LRRC51: variants seen among roughly 807,000 people sequenced by gnomAD.
LRRC51 encodes leucine rich repeat containing 51.
LRRC51 carries 8 observed loss-of-function variants against 17.8 expected under a neutral mutation model. The ratio of observed to expected loss-of-function variants is 0.45; its 90% CI spans 0.26 to 0.81. The LOEUF (loss-of-function observed/expected upper bound fraction) is 0.81. Among genes scored for constraint, LRRC51 ranks in the 30% least tolerant of loss-of-function variants. LRRC51 has a pLI of 0.17. For missense variants in LRRC51, 233 were observed against 239.3 expected, an observed-to-expected ratio of 0.97 and a Z score of 0.17; for synonymous variants, 92 against 96.0, an observed-to-expected ratio of 0.96 and a Z score of 0.24.
chr11:72,084,003 CTTCT>C (rs1944387785), intron 1 of LRRC51, among the ~76,000 whole-genome samples: 1 of 152,168 alleles, frequency 6.6e-6, no homozygotes, highest in Non-Finnish European at 1.5e-5. Context: ...GCAGATTTTT[CTTCT>C]TTTTCTTTTG....
In LRRC51 at chr11:72,095,720, T is replaced by G. The variant is rs1360534646; in HGVS notation, c.*200T>G. ...CGGAGTCTCACTCTGTCACACAGGCTGGAGTGCAGTGGCACGATCTTGGCT... is the reference window on the plus strand; with the variant it reads ...CGGAGTCTCACTCTGTCACACAGGCGGGAGTGCAGTGGCACGATCTTGGCT... On this transcript the variant is annotated 3_prime_UTR_variant, in exon 6 of 6. Coordinates refer to ENST00000289488, the MANE Select transcript of LRRC51 (RefSeq NM_145309.6). 7.4e-7 allele frequency: 1 copy of G among 1,347,466 alleles called. No homozygotes were observed. The highest frequency in any genetic ancestry group is 9.7e-7 in the Non-Finnish European group (1 of 1,029,948). The allele number at this position is 1,347,466 out of a possible 1,614,324, so 83.5% of individuals were successfully genotyped here.
intron 4 of LRRC51, among the ~76,000 whole-genome samples, chr11:72,094,229 T>C (rs1388922347): frequency 6.7e-6 from 1 of 149,230 alleles, no homozygotes; most frequent in Non-Finnish European, 1.5e-5. Flanking sequence ...GAGGTTGCAG[T>C]GAGCCGAGAT....
intron 1 of LRRC51, chr11:72,085,508 T>C (rs1366371648): frequency 6.6e-6 from 1 of 151,848 alleles, no homozygotes; most frequent in African/African-American, 2.4e-5. Context: ...TATAATGAAA[T>C]TAACAGAGAA....
Position 72,096,414 on chromosome 11 carries a change from T to C in LRRC51, c.*894T>C, listed in dbSNP as rs190779155. The C allele has an allele frequency of 6.7e-3, 3,690 of 551,852 alleles. 23 individuals are homozygous for C. Among genetic ancestry groups the C allele is most frequent in the Middle Eastern group, 8.9e-3 (11 of 1,232 alleles). The allele number at this position is 551,852 out of a possible 1,614,324, so 34.2% of individuals were successfully genotyped here. ...CACCACGCCCAGCCTTTTTTTGTATTTTTAGTAGAGATGGGGTTTCGCCAT... is the reference window on the plus strand; with the variant it reads ...CACCACGCCCAGCCTTTTTTTGTATCTTTAGTAGAGATGGGGTTTCGCCAT... On this transcript the variant is annotated 3_prime_UTR_variant, in exon 6 of 6. Transcript: ENST00000289488.
At chr11:72,084,429 T>C (rs768317639) in intron 1 of LRRC51, among the ~76,000 whole-genome samples, 4 of 152,214 alleles carry the variant, frequency 2.6e-5, no homozygotes, top group Non-Finnish European at 5.9e-5. Flanking sequence ...GTGAATAACA[T>C]TAAAGTACGA....
intron 4 of LRRC51, among the ~76,000 whole-genome samples, chr11:72,094,120 A>G (rs2136534856): frequency 6.6e-6 from 1 of 152,178 alleles, no homozygotes; most frequent in South Asian, 2.1e-4. Context: ...CCCCGCCTCT[A>G]CTAAAAATAC....
chr11:72,083,296 T>A lies in LRRC51; in HGVS notation c.-140+2411T>A, dbSNP rs541070302. The stretch of plus-strand genomic sequence containing the variant: ...CTTTAAGGTCTTCAAAATTTCCAAG[T>A]ACCCTTCCACCATAGAACCTTTGCA... On this transcript the variant is annotated intron_variant, in intron 1 of 5. Transcript: ENST00000289488. Among the ~76,000 whole-genome samples the A allele has an allele frequency of 2.3e-4, 35 of 152,330 alleles. No individual in the cohort carries two copies. The South Asian group carries it at 7.0e-3, about 31-fold the overall frequency.
In LRRC51 at chr11:72,096,005, G is replaced by T; in HGVS notation, c.*485G>T. 1 of 164,800 alleles carries T rather than the reference G, an allele frequency of 6.1e-6. No homozygotes were observed. Among genetic ancestry groups the T allele is most frequent in the Non-Finnish European group, 1.3e-5 (1 of 79,356 alleles). 10.2% of individuals were successfully genotyped at this position (164,800 alleles called of 1,614,324 possible). A position where few individuals can be genotyped will look rare whatever the true frequency, so the allele number is the denominator to read the frequency against. The stretch of plus-strand genomic sequence containing the variant: ...TTACAGGCGCCTGCTACCACATCCA[G>T]CTAATTTTTTTTTTTGAGACGGAGT... On this transcript the variant is annotated 3_prime_UTR_variant, in exon 6 of 6. Transcript: ENST00000289488.
At position 72,094,419 on chromosome 11, in the gene LRRC51, A is replaced by T. The variant is rs530958771; in HGVS notation, c.289-529A>T. ...GGGTTCTCCTGTGGAAGAGGTAGTC[A>T]ATAAAGTACAGCACTTACTTTCTGT... On this transcript the variant is annotated intron_variant, in intron 4 of 5. Transcript: ENST00000289488. The T allele has an allele frequency of 8.3e-6, 4 of 479,822 alleles. No homozygotes were observed. The South Asian group carries it at 1.1e-4, about 13-fold the overall frequency. 29.7% of individuals were successfully genotyped at this position (479,822 alleles called of 1,614,324 possible).
chr11:72,093,626 T>G lies in LRRC51; in HGVS notation c.213T>G (p.Ala71=). 1 of 1,614,226 alleles carries G rather than the reference T, an allele frequency of 6.2e-7. No homozygotes were observed. Among genetic ancestry groups the G allele is most frequent in the Non-Finnish European group, 8.5e-7 (1 of 1,180,044 alleles). Residue 71 remains alanine, a synonymous_variant, in exon 4 of 6, where the codon GCT becomes GCG. Coordinates refer to ENST00000289488, the MANE Select transcript of LRRC51 (RefSeq NM_145309.6). The part of the protein sequence containing the change: ...LNDLRDFNQV[A]SQLLEHPENL... ...ATCTGAGAGACTTCAACCAGGTGGC[T>G]TCACAGCTGTTGGAGCACCCAGAGA...
At chr11:72,092,557 A>C (rs1351514706) in intron 3 of LRRC51, among the ~76,000 whole-genome samples, 1 of 152,246 alleles carries the variant, frequency 6.6e-6, no homozygotes, top group Non-Finnish European at 1.5e-5. Context: ...CATTTGCTTT[A>C]AACACTCCAG....
chr11:72,088,961 G>A, intron 2 of LRRC51, 68 bp from the exon 3 acceptor site: 2 of 1,576,600 alleles, frequency 1.3e-6, no homozygotes, highest in Admixed American at 3.5e-5. Context: ...AGAAAGCAGG[G>A]ATGGAGGACT....
At position 72,089,110 on chromosome 11, in the gene LRRC51, T is replaced by C. The variant is rs565977349; in HGVS notation, c.27T>C (p.Thr9=). Reference sequence around the variant, plus strand: ...TGAACAAACGGGACTATATGAACACTTCGGTACAGGAGCCCCCTCTTGACT... The same window carrying C: ...TGAACAAACGGGACTATATGAACACCTCGGTACAGGAGCCCCCTCTTGACT... MNKRDYMN[T]SVQEPPLDYS... is the part of the protein sequence containing the mutation. Residue 9 remains threonine, a synonymous_variant, in exon 3 of 6, where the codon ACT becomes ACC. Coordinates refer to ENST00000289488, the MANE Select transcript of LRRC51 (RefSeq NM_145309.6). 141 of 1,614,068 alleles carry C rather than the reference T, an allele frequency of 8.7e-5. 3 individuals are homozygous for C. In the South Asian group the frequency reaches 1.5e-3, roughly 18 times the overall value.
chr11:72,096,843 G>T lies in LRRC51; in HGVS notation c.*1323G>T. On this transcript the variant is annotated 3_prime_UTR_variant, in exon 6 of 6. Transcript: ENST00000289488. ...AAAGTAATTCCATTCTGTTTTATAT[G>T]CTGGGATTCTGCTTAAGATTTCATT... 7.9e-7 allele frequency: 1 copy of T among 1,269,248 alleles called. No individual in the cohort carries two copies. The allele number at this position is 1,269,248 out of a possible 1,614,324, so 78.6% of individuals were successfully genotyped here.
Position 72,094,777 on chromosome 11 carries a change from T to G in LRRC51, c.289-171T>G, listed in dbSNP as rs758957864. 1.7e-5 allele frequency: 21 copies of G among 1,272,076 alleles called. No homozygotes were observed. The African/African-American group carries it at 2.4e-4, about 14-fold the overall frequency. The allele number at this position is 1,272,076 out of a possible 1,614,324, so 78.8% of individuals were successfully genotyped here. A position where few individuals can be genotyped will look rare whatever the true frequency, so the allele number is the denominator to read the frequency against. ...CCTTTTCAGTGTGATGCCCTGTATG[T>G]CTTAAAACATAAATAAAAGTAGGTT... On this transcript the variant is annotated intron_variant, in intron 4 of 5. Transcript: ENST00000289488.
chr11:72,087,562 T>G (rs536033854), intron 1 of LRRC51, among the ~76,000 whole-genome samples: 1 of 152,308 alleles, frequency 6.6e-6, no homozygotes, highest in Non-Finnish European at 1.5e-5. Flanking sequence ...GCCAGGAATT[T>G]CAGAGCTAAA....
In LRRC51 at chr11:72,096,235, C is replaced by T. The variant is rs1001773979; in HGVS notation, c.*715C>T. ...GCCAGGATGGTCTCCATCTCCTGACCTTGTGATCCACCCACCTCGGCTTCC... is the reference window on the plus strand; with the variant it reads ...GCCAGGATGGTCTCCATCTCCTGACTTTGTGATCCACCCACCTCGGCTTCC... On this transcript the variant is annotated 3_prime_UTR_variant, in exon 6 of 6. Transcript: ENST00000289488. The T allele has an allele frequency of 1.3e-5, 2 of 157,168 alleles. No individual in the cohort carries two copies. Among genetic ancestry groups the T allele is most frequent in the African/African-American group, 4.8e-5 (2 of 41,468 alleles). The allele number at this position is 157,168 out of a possible 1,614,324, so 9.7% of individuals were successfully genotyped here. A position where few individuals can be genotyped will look rare whatever the true frequency, so the allele number is the denominator to read the frequency against.
At position 72,093,508 on chromosome 11, in the gene LRRC51, AG is replaced by A; in HGVS notation, c.97del (p.Glu33SerfsTer9). ...TTTGTCCCCACAGATCTGGTAAATG[AG>A]GAGCCAAGGACAGGACTACGACCAC... is the stretch of plus-strand genomic sequence containing the variant. ...SIHVIQDLVN[E>X]EPRTGLRPLK... On this transcript the variant is annotated frameshift_variant, in exon 4 of 6. Transcript: ENST00000289488. LOFTEE classifies it high-confidence loss of function. 2 of 1,613,124 alleles carry A rather than the reference AG, an allele frequency of 1.2e-6. No homozygotes were observed. The highest frequency in any genetic ancestry group is 2.2e-5 in the South Asian group (2 of 90,936).
chr11:72,081,643 A>C (rs1471058936), intron 1 of LRRC51, among the ~76,000 whole-genome samples: 1 of 152,058 alleles, frequency 6.6e-6, no homozygotes, highest in Non-Finnish European at 1.5e-5. Context: ...TCGCTACCCT[A>C]ATTCTAGAGA....
Sources: allele counts gnomAD v4.1 joint callset (sites outside exome capture counted in the v4.1 genomes callset), GRCh38; gene constraint gnomAD v4.1.1; transcripts MANE v1.5; gene names NCBI Gene and HGNC (gene_info 2026-07-23, HGNC 2026-07-21).